Variants in MAN2B2 observed in about 807,000 individuals in gnomAD.
MAN2B2 encodes mannosidase alpha class 2B member 2.
Under a neutral mutation model 117.1 loss-of-function variants are expected in MAN2B2, and 106 were observed. The observed-to-expected ratio is 0.90, with a 90% CI of 0.77 to 1.06. The LOEUF (loss-of-function observed/expected upper bound fraction) is 1.06. Among genes scored for constraint, MAN2B2 ranks in the 50% least tolerant of loss-of-function variants. The pLI is 0.00. For missense variants in MAN2B2, 1,326 were observed against 1,381.4 expected, an observed-to-expected ratio of 0.96 and a Z score of 0.64; for synonymous variants, 544 against 595.1, an observed-to-expected ratio of 0.91 and a Z score of 1.25.
At chr4:6,586,466 A>C (rs1315263555) in intron 3 of MAN2B2, among the ~76,000 whole-genome samples, 1 of 152,210 alleles carries the variant, frequency 6.6e-6, no homozygotes, top group Non-Finnish European at 1.5e-5. Context: ...TCAGTGCTCT[A>C]TCCAAGTTCA....
At chr4:6,587,987 G>T (rs1423366292) in intron 4 of MAN2B2, among the ~76,000 whole-genome samples, 1 of 151,708 alleles carries the variant, frequency 6.6e-6, no homozygotes, top group Non-Finnish European at 1.5e-5. Flanking sequence ...TCGAACTCCT[G>T]TCCTCAAGCG....
chr4:6,599,765 T>A (rs1286774278), intron 9 of MAN2B2, among the ~76,000 whole-genome samples: 2 of 151,632 alleles, frequency 1.3e-5, no homozygotes, highest in African/African-American at 2.4e-5. Flanking sequence ...CCCACTGCCC[T>A]AGCATCTAAC....
chr4:6,593,228 G>A lies in MAN2B2; in HGVS notation c.736G>A (p.Val246Met), dbSNP rs146540883. ...CTTCCCCAAGCCTCCCCAAGATGGG[G>A]TGTACCCCAACATGAGTGAGCCTGT... The part of the protein sequence containing the change: ...AVFPKPPQDG[V>M]YPNMSEPVTP... The change falls in exon 6 of 19, where the codon GTG (valine) becomes ATG (methionine). Residue 246 changes from valine to methionine, a missense_variant. Coordinates refer to ENST00000285599, the MANE Select transcript of MAN2B2 (RefSeq NM_015274.3). 8.7e-5 allele frequency: 141 copies of A among 1,613,924 alleles called. No homozygotes were observed. In the African/African-American group the frequency reaches 1.7e-3, roughly 19 times the overall value.
At chr4:6,580,094 T>A (rs1726370337) in intron 3 of MAN2B2, among the ~76,000 whole-genome samples, 1 of 152,214 alleles carries the variant, frequency 6.6e-6, no homozygotes. Context: ...AAGGATGTTT[T>A]TGGCACTCTC....
At chr4:6,594,435 G>T in intron 6 of MAN2B2, 99 bp from the exon 7 acceptor site, 1 of 1,263,556 alleles carries the variant, frequency 7.9e-7, no homozygotes. Context: ...CCGCCTTGGA[G>T]ACTGGGAGGG....
Position 6,598,271 on chromosome 4 carries a change from C to T in MAN2B2, c.1322C>T (p.Ser441Leu), listed in dbSNP as rs146993147. ...VRDMYATHLA[S>L]GMLGMRKLMA... ...GACATGTACGCAACGCACCTGGCCT[C>T]GGGGATGCTGGGCATGCGCAAGCTG... Residue 441 changes from serine (S) to leucine (L), a missense_variant, in exon 9 of 19, where the codon TCG becomes TTG. Transcript: ENST00000285599. The T allele has an allele frequency of 5.5e-5, 89 of 1,613,582 alleles. No homozygotes were observed. Among genetic ancestry groups the T allele is most frequent in the African/African-American group, 6.7e-5 (5 of 74,928 alleles).
At chr4:6,590,762 C>T (rs946655540) in intron 5 of MAN2B2, among the ~76,000 whole-genome samples, 7 of 152,344 alleles carry the variant, frequency 4.6e-5, no homozygotes, top group Admixed American at 3.3e-4. Context: ...CCTGACGTGG[C>T]CTGGCTTTGT....
At chr4:6,579,337 CCACCAT>C (rs1560635121) in intron 3 of MAN2B2, among the ~76,000 whole-genome samples, 21 of 83,210 alleles carry the variant, frequency 2.5e-4, no homozygotes, top group Non-Finnish European at 3.9e-4. Context: ...ACCACCACCA[CCACCAT>C]CACCATCACC....
intron 13 of MAN2B2, among the ~76,000 whole-genome samples, chr4:6,610,604 A>T (rs2108755233): frequency 6.6e-6 from 1 of 152,392 alleles, no homozygotes; most frequent in East Asian, 1.9e-4. Context: ...CCTCTCCTGT[A>T]AAATGGCTCC....
At chr4:6,617,224 A>G (rs1711921960) in intron 16 of MAN2B2, among the ~76,000 whole-genome samples, 156 bp from the exon 17 acceptor site, 1 of 152,212 alleles carries the variant, frequency 6.6e-6, no homozygotes, top group South Asian at 2.1e-4. Context: ...GGGAGCTACA[A>G]TTCACGATGA....
At chr4:6,601,512 A>G (rs1727329945) in intron 10 of MAN2B2, among the ~76,000 whole-genome samples, 2 of 151,928 alleles carry the variant, frequency 1.3e-5, no homozygotes. Context: ...AAAAAAAAAA[A>G]AAAAGAAAGG....
In MAN2B2 at chr4:6,609,849, T is replaced by C. The variant is rs1727697650; in HGVS notation, c.2058T>C (p.His686=). 1.2e-6 allele frequency: 2 copies of C among 1,614,074 alleles called. No homozygotes were observed. Among genetic ancestry groups the C allele is most frequent in the South Asian group, 1.1e-5 (1 of 91,084 alleles). The change falls in exon 13 of 19, where the codon CAT becomes CAC. Residue 686 remains histidine (H), a synonymous_variant. Coordinates refer to ENST00000285599, the MANE Select transcript of MAN2B2 (RefSeq NM_015274.3). ...YTYAIRSRLT[H]VPQGHDGELL... ...ATGCAATCCGCTCCCGGCTCACCCA[T>C]GTGCCGCAGGGCCATGACGGGGAGC...
At chr4:6,580,646 G>A (rs1470051714) in intron 3 of MAN2B2, among the ~76,000 whole-genome samples, 2 of 152,182 alleles carry the variant, frequency 1.3e-5, no homozygotes, top group Admixed American at 1.3e-4. Context: ...CTGCAGTTCT[G>A]TGTCACCTCC....
chr4:6,593,460 G>C, intron 6 of MAN2B2, 110 bp downstream of exon 6: 1 of 1,115,094 alleles, frequency 9.0e-7, no homozygotes, highest in Non-Finnish European at 1.2e-6. Context: ...AGGCAGCCAT[G>C]CTCAGCCCAG....
intron 15 of MAN2B2, 128 bp from the exon 16 acceptor site, chr4:6,614,090 A>T: frequency 8.5e-7 from 1 of 1,176,088 alleles, no homozygotes; most frequent in South Asian, 1.5e-5. Context: ...GGTGCGGGGT[A>T]GGCTACCCAC....
chr4:6,616,230 G>A lies in MAN2B2; in HGVS notation c.2702-1150G>A, dbSNP rs1017860113. On this transcript the variant is annotated intron_variant, in intron 16 of 18. Coordinates refer to ENST00000285599, the MANE Select transcript of MAN2B2 (RefSeq NM_015274.3). ...GTTTAGGAAGCACCTGTGTTAACCA[G>A]GTCCTCTCTCCAGGACCTTGAACTC... Among the ~76,000 whole-genome samples, 70 of 152,284 alleles carry A rather than the reference G, an allele frequency of 4.6e-4. 1 individual carries two copies. The highest frequency in any genetic ancestry group is 3.9e-3 in the Admixed American group (60 of 15,298).
At chr4:6,579,099 G>GCACCACCAC (rs1332320457) in intron 3 of MAN2B2, among the ~76,000 whole-genome samples, 3 of 21,962 alleles carry the variant, frequency 1.4e-4, no homozygotes, top group Non-Finnish European at 3.1e-4. Context: ...ACCATCACCA[G>GCACCACCAC]CACCACCACC....
chr4:6,594,920 A>G (rs2301792), intron 7 of MAN2B2, among the ~76,000 whole-genome samples, 188 bp downstream of exon 7: 70,217 of 151,990 alleles, frequency 0.46, 16,480 homozygotes, highest in East Asian at 0.64. Flanking sequence ...CGTCCTGGCC[A>G]CCACATGCAC....
intron 7 of MAN2B2, among the ~76,000 whole-genome samples, chr4:6,595,917 C>T (rs907538247): frequency 2.6e-5 from 4 of 152,136 alleles, no homozygotes; most frequent in Non-Finnish European, 5.9e-5. Flanking sequence ...CTGCTGTTGA[C>T]ACCACATTGG....
Sources: allele counts gnomAD v4.1 joint callset (sites outside exome capture counted in the v4.1 genomes callset), GRCh38; gene constraint gnomAD v4.1.1; transcripts MANE v1.5; gene names NCBI Gene and HGNC (gene_info 2026-07-23, HGNC 2026-07-21).